SEL1L3: variants seen among roughly 807,000 people sequenced by gnomAD.
The protein encoded by SEL1L3 is protein sel-1 homolog 3.
In SEL1L3, 76 loss-of-function variants were observed where a neutral mutation model predicts 142.8. The ratio of observed to expected loss-of-function variants is 0.53; its 90% CI spans 0.44 to 0.64. The LOEUF (loss-of-function observed/expected upper bound fraction) is 0.64. SEL1L3 is among the 30% of genes least tolerant of loss of function. SEL1L3 has a pLI of 0.00. For synonymous variants in SEL1L3, 504 were observed against 519.6 expected (o/e 0.97, Z 0.41); for missense variants, 1,262 against 1,381.7 (o/e 0.91, Z 1.37).
rs141376325 is a variant in SEL1L3, at chr4:25,766,058, G to T, written c.2846-623C>A. On this transcript the variant is annotated intron_variant, in intron 19 of 23. Coordinates refer to ENST00000399878, the MANE Select transcript of SEL1L3 (RefSeq NM_015187.5). ...TGTTTTACTTCACATCTGAAATTTT[G>T]CTGTTCATCTTTGATGTCTGTTTTT... Among the ~76,000 whole-genome samples the T allele has an allele frequency of 8.9e-3, 1,355 of 152,260 alleles. 21 individuals carry two copies. Among genetic ancestry groups the T allele is most frequent in the African/African-American group, 0.029 (1,206 of 41,550 alleles).
At chr4:25,835,620 C>T (rs1327347246) in intron 2 of SEL1L3, among the ~76,000 whole-genome samples, 2 of 152,244 alleles carry the variant, frequency 1.3e-5, no homozygotes, top group Non-Finnish European at 2.9e-5. Context: ...AACCACAATT[C>T]AGGTTCTGAA....
chr4:25,791,086 A>AAGT (rs1712302075), intron 11 of SEL1L3, among the ~76,000 whole-genome samples: 1 of 152,264 alleles, frequency 6.6e-6, no homozygotes, highest in Admixed American at 6.5e-5. Flanking sequence ...TTCGAAGTCC[A>AAGT]CTTCGTGCAA....
Position 25,788,015 on chromosome 4 carries a change from C to T in SEL1L3, c.2217+209G>A, listed in dbSNP as rs1459821230. ...TGCGAAAGCACAGAGAATCCAGGTG[C>T]CAAACATAAGACTAATGATTAAAAA... On this transcript the variant is annotated intron_variant, in intron 13 of 23. Coordinates refer to ENST00000399878, the MANE Select transcript of SEL1L3 (RefSeq NM_015187.5). This position sits in a 1 kb window ranked among gnomAD's most constrained non-coding sequence, Gnocchi z 5.3. Among the ~76,000 whole-genome samples the T allele has an allele frequency of 6.6e-6, 1 of 152,142 alleles. No individual in the cohort carries two copies. Among genetic ancestry groups the T allele is most frequent in the African/African-American group, 2.4e-5 (1 of 41,436 alleles).
At chr4:25,771,277 A>C (rs1287506997) in intron 17 of SEL1L3, among the ~76,000 whole-genome samples, 2 of 152,214 alleles carry the variant, frequency 1.3e-5, no homozygotes, top group Non-Finnish European at 2.9e-5. Flanking sequence ...TTTCCAATGC[A>C]CTCAAGTAAA....
chr4:25,789,167 C>T (rs1712092450), intron 12 of SEL1L3, among the ~76,000 whole-genome samples: 1 of 152,156 alleles, frequency 6.6e-6, no homozygotes, highest in Non-Finnish European at 1.5e-5. Flanking sequence ...GTTTTCCTTC[C>T]TTCTTTCTGC....
At chr4:25,801,597 G>T (rs776682929) in intron 11 of SEL1L3, among the ~76,000 whole-genome samples, 3 of 152,142 alleles carry the variant, frequency 2.0e-5, no homozygotes, top group Non-Finnish European at 4.4e-5. Flanking sequence ...TGGTCTTTTG[G>T]GAGATGTGAG....
rs1466552906 is a variant in SEL1L3, at chr4:25,822,019, G to A, written c.1267C>T (p.Leu423Phe). 2 of 1,613,884 alleles carry A rather than the reference G, an allele frequency of 1.2e-6. No homozygotes were observed. Among genetic ancestry groups the A allele is most frequent in the Admixed American group, 1.7e-5 (1 of 60,020 alleles). ...ACCTGGGCGGGGTGCAGACTGCGAA[G>A]GCGATAGTACTTCAGGGGTCCAAAA... is the stretch of plus-strand genomic sequence containing the variant. ...GFFGPLKYYR[L>F]RSLHPAQIFN... The change falls in exon 7 of 24, where the codon CTT (leucine) becomes TTT (phenylalanine). Residue 423 changes from leucine to phenylalanine, a missense_variant. This residue lies in a region of SEL1L3 where 689 missense variants were observed against 692.8 expected (regional missense o/e 0.99). Transcript: ENST00000399878.
chr4:25,790,720 G>A lies in SEL1L3; in HGVS notation c.1957-146C>T, dbSNP rs1378965652. 6 of 113,440 alleles carry A rather than the reference G, an allele frequency of 5.3e-5. 1 individual carries two copies. Among genetic ancestry groups the A allele is most frequent in the Non-Finnish European group, 1.1e-4 (6 of 55,824 alleles). 7.0% of individuals were successfully genotyped at this position (113,440 alleles called of 1,614,324 possible). A position where few individuals can be genotyped will look rare whatever the true frequency, so the allele number is the denominator to read the frequency against. On this transcript the variant is annotated intron_variant, in intron 11 of 23. Transcript: ENST00000399878. ...GGAGGGAAGGAAGAAAAGAAGGAGA[G>A]AGGGAGGGAGGGAAGGAAGGAAGGA...
intron 9 of SEL1L3, among the ~76,000 whole-genome samples, chr4:25,814,550 T>G (rs1006348409): frequency 2.0e-5 from 3 of 152,098 alleles, no homozygotes; most frequent in African/African-American, 7.2e-5. Flanking sequence ...ACAGGACAGG[T>G]CAGGGCAGCA....
chr4:25,837,327 A>G (rs757536680), intron 2 of SEL1L3, among the ~76,000 whole-genome samples: 5 of 143,020 alleles, frequency 3.5e-5, no homozygotes, highest in African/African-American at 5.3e-5. Flanking sequence ...TGAGTGATCT[A>G]GTGTGCAGTG....
chr4:25,832,450 G>A (rs530410315), intron 5 of SEL1L3, among the ~76,000 whole-genome samples: 1 of 152,200 alleles, frequency 6.6e-6, no homozygotes. Flanking sequence ...AAGCAGTTAT[G>A]TACAATGTTT....
downstream of SEL1L3, among the ~76,000 whole-genome samples, chr4:25,742,987 T>G (rs186267015): frequency 8.8e-3 from 1,334 of 152,246 alleles, 11 homozygotes; most frequent in Non-Finnish European, 0.014. Context: ...GAGAAGGAGT[T>G]TCAAACCACG....
the SEL1L3 span, among the ~76,000 whole-genome samples, chr4:25,731,627 A>G: frequency 6.6e-6 from 1 of 152,240 alleles, no homozygotes; most frequent in Non-Finnish European, 1.5e-5. Context: ...TTCACTCAGC[A>G]TAATTATTCA....
rs1283300978 is a variant in SEL1L3, at chr4:25,790,557, A to C, written c.1974T>G (p.Ile658Met). Residue 658 changes from isoleucine to methionine, a missense_variant, in exon 12 of 24, where the codon ATT becomes ATG. Physicochemically the swap from Ile to Met is conservative, Grantham distance 10. Transcript: ENST00000399878. ...TGAGTATTTCATCATCTTTTAGTCT[A>C]ATTGTTTCAACATATGCCTGAGAAG... is the stretch of plus-strand genomic sequence containing the variant. The part of the protein sequence containing the change: ...LQGDQAYVET[I>M]RLKDDEILKV... The C allele has an allele frequency of 3.1e-6, 5 of 1,608,968 alleles. No individual in the cohort carries two copies.
chr4:25,803,575 G>A (rs145169430), intron 10 of SEL1L3, among the ~76,000 whole-genome samples: 2 of 152,344 alleles, frequency 1.3e-5, no homozygotes, highest in East Asian at 3.9e-4. Context: ...ATTTCTGGAT[G>A]TGTCTGTGAG....
At chr4:25,791,429 T>C (rs1380442350) in intron 11 of SEL1L3, among the ~76,000 whole-genome samples, 2 of 152,238 alleles carry the variant, frequency 1.3e-5, no homozygotes, top group Non-Finnish European at 2.9e-5. Flanking sequence ...TTTTGATGTA[T>C]AAACTTTCAC....
intron 17 of SEL1L3, among the ~76,000 whole-genome samples, chr4:25,773,123 G>C (rs1719351215): frequency 6.6e-6 from 1 of 152,064 alleles, no homozygotes; most frequent in Non-Finnish European, 1.5e-5. Flanking sequence ...GGAGCATTAT[G>C]TTAAGTAAAA....
chr4:25,827,369 T>G (rs983192200), intron 6 of SEL1L3, among the ~76,000 whole-genome samples: 2 of 152,126 alleles, frequency 1.3e-5, no homozygotes, highest in Admixed American at 6.5e-5. Flanking sequence ...AAGTGAAATT[T>G]GGACACAGAC....
In SEL1L3 at chr4:25,811,461, GTCCATAGAACTCTTAGCAGTC is replaced by G. The variant is rs368796373; in HGVS notation, c.1564+6656_1564+6676del. Among the ~76,000 whole-genome samples, 440 of 152,342 alleles carry G rather than the reference GTCCATAGAACTCTTAGCAGTC, an allele frequency of 2.9e-3. 1 individual carries two copies. The highest frequency in any genetic ancestry group is 0.01 in the African/African-American group (427 of 41,574). ...GGAAATGTGGAAGGAAGCAGAGTAA[GTCCATAGAACTCTTAGCAGTC>G]TGGATTGGAGCTGCAGCTTGGCTAG... On this transcript the variant is annotated intron_variant, in intron 9 of 23. Coordinates refer to ENST00000399878, the MANE Select transcript of SEL1L3 (RefSeq NM_015187.5).
Sources: allele counts gnomAD v4.1 joint callset (sites outside exome capture counted in the v4.1 genomes callset), GRCh38; gene constraint gnomAD v4.1.1; regional missense constraint gnomAD v4.1.1; non-coding constraint Gnocchi (gnomAD v3.1); transcripts MANE v1.5; gene names NCBI Gene and HGNC (gene_info 2026-07-23, HGNC 2026-07-21).